CCDC170: variants seen among roughly 807,000 people sequenced by gnomAD.
The protein encoded by CCDC170 is coiled-coil domain-containing protein 170.
CCDC170 carries 69 observed loss-of-function variants against 72.6 expected under a neutral mutation model. The ratio of observed to expected loss-of-function variants is 0.95; its 90% confidence interval spans 0.78 to 1.16. The LOEUF (loss-of-function observed/expected upper bound fraction) is 1.16, where lower values mean the gene tolerates loss of function less well. Among genes scored for constraint, CCDC170 ranks in the 50% most tolerant of loss-of-function variants. CCDC170 has a pLI of 0.00. For synonymous variants in CCDC170, 300 were observed against 303.9 expected (o/e 0.99, Z 0.13); for missense variants, 852 against 832.5 (o/e 1.02, Z -0.29).
At chr6:151,597,061 G>A (rs1776637591) in intron 9 of CCDC170, among the ~76,000 whole-genome samples, 1 of 152,124 alleles carries the variant, frequency 6.6e-6, no homozygotes, top group South Asian at 2.1e-4. Context: ...CCTGATCTCA[G>A]GTGATCCGCC....
At chr6:151,533,842 G>A (rs781735615) in intron 1 of CCDC170, among the ~76,000 whole-genome samples, 11 of 151,918 alleles carry the variant, frequency 7.2e-5, no homozygotes, top group Non-Finnish European at 1.5e-4. Flanking sequence ...TTTTTAGACT[G>A]TCAGCTCATT....
intron 1 of CCDC170, among the ~76,000 whole-genome samples, chr6:151,522,068 G>A (rs1366833623): frequency 1.3e-5 from 2 of 151,976 alleles, no homozygotes; most frequent in South Asian, 2.1e-4. Context: ...GCTGAGGCAG[G>A]AGAATCGCCT....
At chr6:151,560,903 T>C (rs1222314187) in intron 5 of CCDC170, among the ~76,000 whole-genome samples, 1 of 152,164 alleles carries the variant, frequency 6.6e-6, no homozygotes, top group Non-Finnish European at 1.5e-5. Context: ...TCTTGCTTTT[T>C]AATCCAATTT....
chr6:151,573,537 T>G, intron 6 of CCDC170, 46 bp downstream of exon 6: 1 of 1,545,896 alleles, frequency 6.5e-7, no homozygotes, highest in Non-Finnish European at 8.8e-7. Context: ...AACAGTGAGC[T>G]CATTCATTTA....
At chr6:151,511,131 G>T (rs900042615) in intron 1 of CCDC170, among the ~76,000 whole-genome samples, 1 of 152,146 alleles carries the variant, frequency 6.6e-6, no homozygotes, top group Non-Finnish European at 1.5e-5. Context: ...GTGTATCTTG[G>T]TCGACTGTCT....
At chr6:151,580,470 T>A (rs1350052295) in intron 6 of CCDC170, among the ~76,000 whole-genome samples, 1 of 152,134 alleles carries the variant, frequency 6.6e-6, no homozygotes, top group Non-Finnish European at 1.5e-5. Context: ...ATCAGATTTA[T>A]CTGCTATATT....
In CCDC170 at chr6:151,615,425, A is replaced by C; in HGVS notation, c.1711-18A>C. ...ACTAAATACAAAAGGAGTTATCAGC[A>C]TTCTCTTGACTTTCTAGATTAAAAC... On this transcript the variant is annotated intron_variant, in intron 9 of 10. Coordinates refer to ENST00000239374, the MANE Select transcript of CCDC170 (RefSeq NM_025059.4). The C allele has an allele frequency of 6.4e-7, 1 of 1,555,026 alleles. No homozygotes were observed. Among genetic ancestry groups the C allele is most frequent in the Non-Finnish European group, 8.9e-7 (1 of 1,128,536 alleles).
chr6:151,593,008 A>G (rs17081463), intron 7 of CCDC170, 99 bp from the exon 8 acceptor site: 88,694 of 1,291,934 alleles, frequency 0.069, 3,415 homozygotes, highest in African/African-American at 0.12. Context: ...TGCAAAGGAG[A>G]ATTACCTGTA....
At chr6:151,511,115 T>A (rs1782142966) in intron 1 of CCDC170, among the ~76,000 whole-genome samples, 1 of 152,204 alleles carries the variant, frequency 6.6e-6, no homozygotes, top group South Asian at 2.1e-4. Context: ...TGGCTTTGCC[T>A]CTCCAGTGTA....
At chr6:151,611,970 A>G (rs1776879874) in intron 9 of CCDC170, among the ~76,000 whole-genome samples, 1 of 152,136 alleles carries the variant, frequency 6.6e-6, no homozygotes, top group Non-Finnish European at 1.5e-5. Flanking sequence ...TGTTCTCCCA[A>G]AGTGCTGGGA....
intron 6 of CCDC170, among the ~76,000 whole-genome samples, chr6:151,582,803 G>T (rs371605014): frequency 6.6e-6 from 1 of 151,964 alleles, no homozygotes; most frequent in African/African-American, 2.4e-5. Flanking sequence ...AGAGCTCATG[G>T]GAACTAAGAG....
In CCDC170 at chr6:151,592,965, T is replaced by C. The variant is rs369476251; in HGVS notation, c.1294-142T>C. ...TGGTTCAGGAATTTATTACCACATATGGGTCAGAGTCCGTGCTCCGTTCCA... is the reference window on the plus strand; with the variant it reads ...TGGTTCAGGAATTTATTACCACATACGGGTCAGAGTCCGTGCTCCGTTCCA... On this transcript the variant is annotated intron_variant, in intron 7 of 10. Transcript: ENST00000239374. 8.4e-5 allele frequency: 69 copies of C among 821,100 alleles called. 1 individual carries two copies. In the Middle Eastern group the frequency reaches 1.4e-3, roughly 17 times the overall value. The allele number at this position is 821,100 out of a possible 1,614,324, so 50.9% of individuals were successfully genotyped here.
chr6:151,531,690 G>A (rs116347685), intron 1 of CCDC170, among the ~76,000 whole-genome samples: 3,497 of 152,308 alleles, frequency 0.023, 122 homozygotes, highest in African/African-American at 0.074. Context: ...AGACTGGGTA[G>A]TTTATAAAGG....
At chr6:151,517,509 T>C (rs1242614751) in intron 1 of CCDC170, among the ~76,000 whole-genome samples, 1 of 150,250 alleles carries the variant, frequency 6.7e-6, no homozygotes, top group Non-Finnish European at 1.5e-5. Context: ...CTCGGCTCAC[T>C]GCAGCCTCTG....
intron 1 of CCDC170, among the ~76,000 whole-genome samples, chr6:151,531,382 C>T (rs1472234194): frequency 6.6e-6 from 1 of 152,166 alleles, no homozygotes; most frequent in Non-Finnish European, 1.5e-5. Flanking sequence ...GCAAGCAAAT[C>T]ACTTGATGCA....
At chr6:151,505,211 A>G (rs1434705501) in intron 1 of CCDC170, among the ~76,000 whole-genome samples, 2 of 152,070 alleles carry the variant, frequency 1.3e-5, no homozygotes, top group Non-Finnish European at 2.9e-5. Flanking sequence ...AGTGGCCTGC[A>G]TACTAGGAAG....
rs1255102887 is a variant in CCDC170, at chr6:151,518,575, C to T, written c.58-17743C>T. Among the ~76,000 whole-genome samples, 7 of 130,638 alleles carry T rather than the reference C, an allele frequency of 5.4e-5. No homozygotes were observed. The South Asian group carries it at 1.0e-3, about 19-fold the overall frequency. The allele number at this position is 130,638 out of a possible 152,430, so 85.7% of individuals were successfully genotyped here. A position where few individuals can be genotyped will look rare whatever the true frequency, so the allele number is the denominator to read the frequency against. Reference sequence around the variant, plus strand: ...GCCTACTCCATAGGCAGAGCAGCCTCGAGGGCTGCTGGCTGGCTATTTTTA... The same window carrying T: ...GCCTACTCCATAGGCAGAGCAGCCTTGAGGGCTGCTGGCTGGCTATTTTTA... On this transcript the variant is annotated intron_variant, in intron 1 of 10. Coordinates refer to ENST00000239374, the MANE Select transcript of CCDC170 (RefSeq NM_025059.4).
intron 5 of CCDC170, among the ~76,000 whole-genome samples, chr6:151,565,788 A>G (rs1776126179): frequency 6.6e-6 from 1 of 152,202 alleles, no homozygotes; most frequent in South Asian, 2.1e-4. Flanking sequence ...TATTCTGTAC[A>G]TGTAACTAAG....
chr6:151,543,432 ATATT>A (rs35997330), intron 3 of CCDC170, among the ~76,000 whole-genome samples: 15,223 of 152,044 alleles, frequency 0.1, 2,436 homozygotes, highest in African/African-American at 0.34. Context: ...ATCATCTTGA[ATATT>A]TATCTTTTTT....
Sources: gnomAD v4.1 joint callset for allele counts (sites outside exome capture counted in the v4.1 genomes callset) on GRCh38, gnomAD v4.1.1 for gene constraint, MANE v1.5 for transcripts, NCBI Gene and HGNC (gene_info 2026-07-23, HGNC 2026-07-21) for gene names.